SYNRG: variants seen among roughly 807,000 people sequenced by gnomAD.
The protein encoded by SYNRG is AP1 gamma subunit binding protein 1.
Under a neutral mutation model 130.9 loss-of-function variants are expected in SYNRG, and 37 were observed. The observed-to-expected ratio is 0.28, with a 90% CI of 0.22 to 0.37. The LOEUF (loss-of-function observed/expected upper bound fraction) is 0.37. SYNRG is among the 10% of genes least tolerant of loss of function. The pLI is 1.00. For missense variants in SYNRG, 1,338 were observed against 1,588.9 expected, an observed-to-expected ratio of 0.84 and a Z score of 2.68; for synonymous variants, 539 against 568.1, an observed-to-expected ratio of 0.95 and a Z score of 0.73.
intron 21 of SYNRG, among the ~76,000 whole-genome samples, 163 bp downstream of exon 21, chr17:37,520,010 CACACAG>C (rs2143560340): frequency 6.6e-6 from 1 of 152,238 alleles, no homozygotes; most frequent in African/African-American, 2.4e-5. Flanking sequence ...GAAGTGGACC[CACACAG>C]ACACATTAGG....
chr17:37,609,237 C>T, intron 1 of SYNRG, 42 bp downstream of exon 1: 1 of 1,395,466 alleles, frequency 7.2e-7, no homozygotes. Context: ...CTCGCCGCCC[C>T]CGCGGAGGCC....
At chr17:37,558,538 A>G (rs567460436) in intron 13 of SYNRG, among the ~76,000 whole-genome samples, 1 of 152,202 alleles carries the variant, frequency 6.6e-6, no homozygotes, top group Non-Finnish European at 1.5e-5. Flanking sequence ...TTTTACATAT[A>G]TGACTCCCAA....
intron 19 of SYNRG, chr17:37,529,809 G>A (rs570101858): frequency 6.4e-7 from 1 of 1,551,560 alleles, no homozygotes; most frequent in African/African-American, 1.4e-5. Context: ...TCATGGTAAG[G>A]AGAGAGATGC....
At chr17:37,558,562 A>T (rs1598333907) in intron 13 of SYNRG, among the ~76,000 whole-genome samples, 1 of 152,232 alleles carries the variant, frequency 6.6e-6, no homozygotes, top group East Asian at 1.9e-4. Context: ...ATCATTTTAT[A>T]TTCCCTTGTA....
chr17:37,527,820 C>CA (rs1018767630), intron 19 of SYNRG, among the ~76,000 whole-genome samples: 6 of 152,112 alleles, frequency 3.9e-5, no homozygotes, highest in Non-Finnish European at 4.4e-5. Context: ...ATTCCCCCCC[C>CA]ATGGACAGGG....
In SYNRG at chr17:37,608,076, A is replaced by T. The variant is rs192458124; in HGVS notation, c.77+1203T>A. 3.0e-4 allele frequency among the ~76,000 whole-genome samples: 46 copies of T among 152,148 alleles called. 1 individual carries two copies. The highest frequency in any genetic ancestry group is 6.8e-3 in the Middle Eastern group (2 of 292). On this transcript the variant is annotated intron_variant, in intron 1 of 21. Coordinates refer to ENST00000612223, the MANE Select transcript of SYNRG (RefSeq NM_007247.6). Reference sequence around the variant, plus strand: ...GGCTTACACGAAGTATTTATTTTTTAAAAAACCCTCTAATGAAACAACGGA... The same window carrying T: ...GGCTTACACGAAGTATTTATTTTTTTAAAAACCCTCTAATGAAACAACGGA...
chr17:37,533,588 C>CT (rs533546189), intron 19 of SYNRG, among the ~76,000 whole-genome samples: 2,288 of 135,276 alleles, frequency 0.017, 50 homozygotes, highest in African/African-American at 0.048. Context: ...TTTTCTTTTT[C>CT]TTTTTTTTTT....
rs879777612 is a variant in SYNRG, at chr17:37,520,561, A to G, written c.3754T>C (p.Leu1252=). 52 of 1,614,178 alleles carry G rather than the reference A, an allele frequency of 3.2e-5. No individual in the cohort carries two copies. Among genetic ancestry groups the G allele is most frequent in the Non-Finnish European group, 4.4e-5 (52 of 1,180,036 alleles). ...AQELACGVCL[L]NVDSRSRKEE... The stretch of plus-strand genomic sequence containing the variant: ...ACCCGGCTCCTCGAGTCCACATTCA[A>G]GAGGCACACTCCACAGGCAAGCTCC... Residue 1252 remains leucine (L), a synonymous_variant, in exon 20 of 22, where the codon TTG becomes CTG. Coordinates refer to ENST00000612223, the MANE Select transcript of SYNRG (RefSeq NM_007247.6).
chr17:37,582,825 C>T (rs1568475451), intron 6 of SYNRG, among the ~76,000 whole-genome samples: 1 of 151,610 alleles, frequency 6.6e-6, no homozygotes, highest in Non-Finnish European at 1.5e-5. Flanking sequence ...CATGTCACCG[C>T]ACTAGGGCAA....
intron 1 of SYNRG, among the ~76,000 whole-genome samples, chr17:37,608,968 C>T (rs2064096918): frequency 6.6e-6 from 1 of 151,744 alleles, no homozygotes; most frequent in South Asian, 2.1e-4. Flanking sequence ...AGCGGAGTCG[C>T]GGTTCCTGAT....
chr17:37,577,341 G>A lies in SYNRG; in HGVS notation c.823+39C>T, dbSNP rs768617219. The A allele has an allele frequency of 2.5e-6, 4 of 1,571,722 alleles. No individual in the cohort carries two copies. In the East Asian group the frequency reaches 6.7e-5, roughly 26 times the overall value. ...AGGTGTTAGCATTTGAGCAACATTT[G>A]GTTAAACAAGTTTTTTGCTGAATGC... On this transcript the variant is annotated intron_variant, in intron 7 of 21. Transcript: ENST00000612223.
intron 19 of SYNRG, among the ~76,000 whole-genome samples, chr17:37,520,883 G>GTCTCA (rs2054938461): frequency 1.3e-5 from 2 of 152,014 alleles, no homozygotes; most frequent in African/African-American, 4.8e-5. Flanking sequence ...TCTCAGGTGG[G>GTCTCA]CGCCAGGGGA....
Position 37,584,697 on chromosome 17 carries a change from G to C in SYNRG, c.540C>G (p.Ser180=). The change falls in exon 6 of 22, where the codon TCC becomes TCG. Residue 180 remains serine, a synonymous_variant. Coordinates refer to ENST00000612223, the MANE Select transcript of SYNRG (RefSeq NM_007247.6). ...GAGTAGGGTGCATTTTTGCATCTCT[G>C]GAAAACCCATCTAAATTTCCTTTTA... The part of the protein sequence containing the change: ...EAIKGNLDGF[S]RDAKMHPTPA... 6.2e-7 allele frequency: 1 copy of C among 1,613,690 alleles called. No homozygotes were observed. The highest frequency in any genetic ancestry group is 8.5e-7 in the Non-Finnish European group (1 of 1,179,740).
Position 37,542,219 on chromosome 17 carries a change from A to G in SYNRG, c.2955T>C (p.Tyr985=). ...GCAGGTCCTGTTTTGTGAAATCTTTATAGTCTCTGTTTTCATATTCCTTTT... is the reference window on the plus strand; with the variant it reads ...GCAGGTCCTGTTTTGTGAAATCTTTGTAGTCTCTGTTTTCATATTCCTTTT... ...SEQKEYENRD[Y]KDFTKQDLPT... The change falls in exon 15 of 22, where the codon TAT becomes TAC. Residue 985 remains tyrosine, a synonymous_variant. Coordinates refer to ENST00000612223, the MANE Select transcript of SYNRG (RefSeq NM_007247.6). 1 of 1,614,192 alleles carries G rather than the reference A, an allele frequency of 6.2e-7. No homozygotes were observed. Among genetic ancestry groups the G allele is most frequent in the Non-Finnish European group, 8.5e-7 (1 of 1,180,038 alleles).
chr17:37,540,561 T>C lies in SYNRG; in HGVS notation c.3203-18A>G. 2 of 1,612,492 alleles carry C rather than the reference T, an allele frequency of 1.2e-6. No homozygotes were observed. Among genetic ancestry groups the C allele is most frequent in the Non-Finnish European group, 1.7e-6 (2 of 1,179,348 alleles). On this transcript the variant is annotated intron_variant, in intron 15 of 21. Transcript: ENST00000612223. ...GTGTGATCCTGGGAGAAGGGGATAA[T>C]ACAGTCAAAGGTTTTGGCTACTCAC... is the stretch of plus-strand genomic sequence containing the variant.
At chr17:37,569,743 T>C (rs1044256682) in intron 10 of SYNRG, among the ~76,000 whole-genome samples, 1 of 150,102 alleles carries the variant, frequency 6.7e-6, no homozygotes, top group African/African-American at 2.5e-5. Context: ...GTTTGCAAAT[T>C]AAGTGACACA....
chr17:37,530,042 G>A (rs145321801), intron 19 of SYNRG, among the ~76,000 whole-genome samples: 4 of 152,212 alleles, frequency 2.6e-5, no homozygotes, highest in African/African-American at 7.2e-5. Flanking sequence ...AAAAGAACTC[G>A]ACTGTTTATA....
intron 2 of SYNRG, among the ~76,000 whole-genome samples, chr17:37,599,912 C>A (rs1225451767): frequency 6.6e-6 from 1 of 152,122 alleles, no homozygotes; most frequent in African/African-American, 2.4e-5. Context: ...CAACAAACAT[C>A]TACAGATAAC....
chr17:37,525,835 G>A lies in SYNRG; in HGVS notation c.3667-5187C>T, dbSNP rs532157606. 1.8e-4 allele frequency among the ~76,000 whole-genome samples: 27 copies of A among 152,272 alleles called. No individual in the cohort carries two copies. The East Asian group carries it at 1.9e-3, about 11-fold the overall frequency. On this transcript the variant is annotated intron_variant, in intron 19 of 21. Coordinates refer to ENST00000612223, the MANE Select transcript of SYNRG (RefSeq NM_007247.6). Reference sequence around the variant, plus strand: ...ACAAAAATTAGCCAGGTGTGGTGGCGCTTGCCTGTAATCCCAGCTATTCAG... The same window carrying A: ...ACAAAAATTAGCCAGGTGTGGTGGCACTTGCCTGTAATCCCAGCTATTCAG...
Sources: gnomAD v4.1 joint callset for allele counts (sites outside exome capture counted in the v4.1 genomes callset) on GRCh38, gnomAD v4.1.1 for gene constraint, MANE v1.5 for transcripts, NCBI Gene and HGNC (gene_info 2026-07-23, HGNC 2026-07-21) for gene names.